Variants in WIF1 observed in about 807,000 individuals in gnomAD.
The protein encoded by WIF1 is Wnt inhibitory factor 1.
A neutral mutation model predicts 53.5 loss-of-function variants in WIF1; 35 were observed. The observed-to-expected ratio is 0.65, with a 90% CI of 0.50 to 0.87. The LOEUF (loss-of-function observed/expected upper bound fraction) is 0.87, where lower values mean the gene tolerates loss of function less well. Ranked by LOEUF, WIF1 falls within the 40% of genes least tolerant of loss-of-function variation. WIF1 has a pLI of 0.00. For synonymous variants in WIF1, 171 were observed against 170.4 expected (o/e 1.00, Z -0.03); for missense variants, 467 against 476.8 (o/e 0.98, Z 0.19).
At chr12:65,092,227 T>G (rs1364132735) in intron 2 of WIF1, among the ~76,000 whole-genome samples, 1 of 150,802 alleles carries the variant, frequency 6.6e-6, no homozygotes, top group Non-Finnish European at 1.5e-5. Context: ...TAAGTGGGAG[T>G]TGAACAGCAA....
intron 2 of WIF1, among the ~76,000 whole-genome samples, chr12:65,086,695 GTTTC>G (rs138397262): frequency 0.033 from 4,382 of 132,208 alleles, 220 homozygotes; most frequent in African/African-American, 0.11. Context: ...CTTTCCTAGT[GTTTC>G]TTTCTTTTTT....
Position 65,115,173 on chromosome 12 carries a change from C to CT in WIF1, c.288+5243dup, listed in dbSNP as rs1555188475. Among the ~76,000 whole-genome samples the CT allele has an allele frequency of 5.5e-5, 3 of 54,972 alleles. 1 individual carries two copies. The highest frequency in any genetic ancestry group is 1.9e-4 in the African/African-American group (3 of 16,006). The allele number at this position is 54,972 out of a possible 152,430, so 36.1% of individuals were successfully genotyped here. On this transcript the variant is annotated intron_variant, in intron 2 of 9. Coordinates refer to ENST00000286574, the MANE Select transcript of WIF1 (RefSeq NM_007191.5). ...GCTCGGCATAAATCCTTTGTCATTG[C>CT]TAAAAAAAAAAAAAAAAAAAAAGGC...
chr12:65,097,766 T>A (rs1883227255), intron 2 of WIF1, among the ~76,000 whole-genome samples: 1 of 152,228 alleles, frequency 6.6e-6, no homozygotes, highest in African/African-American at 2.4e-5. Flanking sequence ...GAACTCTTTC[T>A]GTTGCCATTT....
chr12:65,069,231 T>C (rs900870881), intron 3 of WIF1, among the ~76,000 whole-genome samples: 3 of 152,206 alleles, frequency 2.0e-5, no homozygotes, highest in African/African-American at 7.2e-5. Context: ...CATAAAGTGG[T>C]TAATTATGTA....
chr12:65,055,567 C>T (rs945209724), intron 8 of WIF1, among the ~76,000 whole-genome samples: 12 of 152,028 alleles, frequency 7.9e-5, no homozygotes, highest in African/African-American at 1.2e-4. Flanking sequence ...GTCAGGAGTT[C>T]GAGATCAGCC....
chr12:65,053,407 G>A (rs1439176297), intron 9 of WIF1, among the ~76,000 whole-genome samples: 1 of 152,164 alleles, frequency 6.6e-6, no homozygotes, highest in Non-Finnish European at 1.5e-5. Flanking sequence ...CCAGGTGGAG[G>A]TAATTGAATC....
rs753620662 is a variant in WIF1 at position 65,066,630 on chromosome 12, G to T, written c.730+11C>A. The stretch of plus-strand genomic sequence containing the variant: ...GTAAAAATAACTTTCTTCTTAAAAA[G>T]AAACTGTTACCTTTGTCACAGTTCA... On this transcript the variant is annotated intron_variant, in intron 6 of 9. Coordinates refer to ENST00000286574, the MANE Select transcript of WIF1 (RefSeq NM_007191.5). 1 of 1,585,008 alleles carries T rather than the reference G, an allele frequency of 6.3e-7. No homozygotes were observed. Among genetic ancestry groups the T allele is most frequent in the Non-Finnish European group, 8.6e-7 (1 of 1,169,326 alleles).
intron 2 of WIF1, chr12:65,095,651 T>C (rs1196225112): frequency 6.6e-6 from 1 of 152,164 alleles, no homozygotes; most frequent in Non-Finnish European, 1.5e-5. Flanking sequence ...TATCTTCAGT[T>C]TGACTATCTT....
intron 3 of WIF1, among the ~76,000 whole-genome samples, chr12:65,074,537 T>C (rs1882828587): frequency 6.6e-6 from 1 of 152,014 alleles, no homozygotes; most frequent in Non-Finnish European, 1.5e-5. Flanking sequence ...AAATTATCTT[T>C]AGCCAGGTGC....
intron 2 of WIF1, among the ~76,000 whole-genome samples, chr12:65,106,706 A>C (rs1883358015): frequency 6.6e-6 from 1 of 152,242 alleles, no homozygotes; most frequent in Non-Finnish European, 1.5e-5. Flanking sequence ...GTTCAACCAG[A>C]GGCTGAGAGA....
At chr12:65,110,483 A>T (rs1287212903) in intron 2 of WIF1, among the ~76,000 whole-genome samples, 1 of 151,932 alleles carries the variant, frequency 6.6e-6, no homozygotes, top group East Asian at 1.9e-4. Context: ...CACCAGCCCA[A>T]ACTAGCTGCA....
intron 7 of WIF1, among the ~76,000 whole-genome samples, chr12:65,056,770 C>T (rs1391672929): frequency 6.6e-6 from 1 of 152,000 alleles, no homozygotes; most frequent in African/African-American, 2.4e-5. Flanking sequence ...CTGCCTCATC[C>T]TCCAGGGTTG....
intron 2 of WIF1, among the ~76,000 whole-genome samples, chr12:65,099,630 T>C (rs550597237): frequency 6.6e-6 from 1 of 152,312 alleles, no homozygotes; most frequent in South Asian, 2.1e-4. Flanking sequence ...AAGCCAGCTC[T>C]TTGGCTGCCT....
At chr12:65,065,938 T>C (rs917183039) in intron 6 of WIF1, among the ~76,000 whole-genome samples, 1 of 152,156 alleles carries the variant, frequency 6.6e-6, no homozygotes, top group African/African-American at 2.4e-5. Context: ...GAACCTAATC[T>C]CTCTGGGATG....
At chr12:65,052,629 AT>A (rs1275126919) in intron 9 of WIF1, among the ~76,000 whole-genome samples, 1 of 152,144 alleles carries the variant, frequency 6.6e-6, no homozygotes, top group Non-Finnish European at 1.5e-5. Context: ...CAGCTCAATT[AT>A]TTTAGCTAAT....
At chr12:65,119,119 G>GA (rs1247655347) in intron 2 of WIF1, among the ~76,000 whole-genome samples, 5 of 152,182 alleles carry the variant, frequency 3.3e-5, no homozygotes, top group Non-Finnish European at 5.9e-5. Context: ...CTGAAAAGGA[G>GA]AAAATGAAAG....
Position 65,056,031 on chromosome 12 carries a change from G to T in WIF1, c.922C>A (p.Pro308Thr), listed in dbSNP as rs748455979. The T allele has an allele frequency of 1.9e-6, 3 of 1,613,668 alleles. No individual in the cohort carries two copies. Among genetic ancestry groups the T allele is most frequent in the African/African-American group, 1.3e-5 (1 of 75,026 alleles). Residue 308 changes from proline to threonine, a missense_variant and splice_region_variant, in exon 8 of 10, where the codon CCT becomes ACT. Physicochemically the swap from Pro to Thr is conservative, Grantham distance 38 (BLOSUM62 -1). Transcript: ENST00000286574. Reference sequence around the variant, plus strand: ...TTGGCAATGTGTATGGGGTACTTACGCTTTGAACAGAGGTCTCCCTGGTAA... The same window carrying T: ...TTGGCAATGTGTATGGGGTACTTACTCTTTGAACAGAGGTCTCCCTGGTAA... ...KGYQGDLCSK[P>T]VCEPGCGAHG...
At chr12:65,114,047 A>G (rs1883472496) in intron 2 of WIF1, among the ~76,000 whole-genome samples, 1 of 152,242 alleles carries the variant, frequency 6.6e-6, no homozygotes. Flanking sequence ...AGTACACATT[A>G]AGGGATTTCC....
At chr12:65,101,929 T>C (rs947463729) in intron 2 of WIF1, among the ~76,000 whole-genome samples, 17 of 152,196 alleles carry the variant, frequency 1.1e-4, no homozygotes, top group Non-Finnish European at 2.2e-4. Context: ...CAGCTTTCTT[T>C]GGCCTAATGA....
Sources: allele counts gnomAD v4.1 joint callset (sites outside exome capture counted in the v4.1 genomes callset), GRCh38; gene constraint gnomAD v4.1.1; transcripts MANE v1.5; gene names NCBI Gene and HGNC (gene_info 2026-07-23, HGNC 2026-07-21).